The following RTN1 variants were observed in gnomAD, a reference collection of about 807,000 sequenced individuals.
RTN1 encodes the protein reticulon 1, also known as reticulon-1.
RTN1 carries 25 observed loss-of-function variants against 65.5 expected under a neutral mutation model. The ratio of observed to expected loss-of-function variants is 0.38; its 90% CI spans 0.28 to 0.53. The LOEUF is 0.53. Among genes scored for constraint, RTN1 ranks in the 20% least tolerant of loss-of-function variants. The probability of loss-of-function intolerance (pLI) is 0.79; values close to 1 mark genes in which losing one functional copy is unlikely to be tolerated. For synonymous variants in RTN1, 471 were observed against 447.6 expected (o/e 1.05, Z -0.66); for missense variants, 983 against 1,025.4 (o/e 0.96, Z 0.57).
intron 3 of RTN1, among the ~76,000 whole-genome samples, chr14:59,658,347 C>T (rs1456997574): frequency 8.4e-6 from 1 of 118,778 alleles, no homozygotes. Flanking sequence ...AATGTTCCTG[C>T]CTTCTGGCTC....
At chr14:59,670,409 G>T (rs192422098) in intron 3 of RTN1, among the ~76,000 whole-genome samples, 90 of 152,328 alleles carry the variant, frequency 5.9e-4, no homozygotes, top group Non-Finnish European at 1.0e-3. Context: ...TTCTCAGCAA[G>T]ACGCAACCTG....
At chr14:59,723,082 G>T (rs1040709147) in intron 3 of RTN1, among the ~76,000 whole-genome samples, 3 of 152,112 alleles carry the variant, frequency 2.0e-5, no homozygotes, top group Non-Finnish European at 4.4e-5. Flanking sequence ...ACAGGTGTGG[G>T]CCACCATGCC....
At position 59,790,747 on chromosome 14, in the gene RTN1, T is replaced by G. The variant is rs1260688149; in HGVS notation, c.242-44266A>C. 6.6e-6 allele frequency among the ~76,000 whole-genome samples: 1 copy of G among 152,166 alleles called. No individual in the cohort carries two copies. The highest frequency in any genetic ancestry group is 6.6e-5 in the Admixed American group (1 of 15,256). On this transcript the variant is annotated intron_variant, in intron 1 of 8. Coordinates refer to ENST00000267484, the MANE Select transcript of RTN1 (RefSeq NM_021136.3). The surrounding 1 kb of genome is among the most constrained non-coding windows in gnomAD (Gnocchi z 4.1). ...TTTCTTTTTCATTTGTTCTATTTCC[T>G]ACCCCAGATATACTGATTTTTCTTT...
intron 2 of RTN1, among the ~76,000 whole-genome samples, chr14:59,743,965 T>G (rs1318175253): frequency 6.6e-6 from 1 of 152,166 alleles, no homozygotes; most frequent in African/African-American, 2.4e-5. Context: ...AAAGAAAGTA[T>G]GTAGAAAGTG....
intron 1 of RTN1, among the ~76,000 whole-genome samples, chr14:59,852,147 T>C (rs1327435643): frequency 2.6e-5 from 4 of 152,164 alleles, no homozygotes; most frequent in African/African-American, 9.7e-5. Context: ...ATTGATAGTA[T>C]AGTAAGTAGT....
intron 1 of RTN1, among the ~76,000 whole-genome samples, chr14:59,788,308 A>G (rs75916234): frequency 3.5e-4 from 54 of 152,320 alleles, no homozygotes; most frequent in African/African-American, 1.2e-3. Flanking sequence ...TTTCTTTCAG[A>G]AAAAGAATGC....
intron 1 of RTN1, among the ~76,000 whole-genome samples, chr14:59,771,044 CAAA>C (rs113697863): frequency 8.7e-6 from 1 of 115,194 alleles, no homozygotes; most frequent in Non-Finnish European, 1.9e-5. Flanking sequence ...GACTCCGTCT[CAAA>C]AAAAAAAAAA....
chr14:59,784,707 T>C (rs1486889572), intron 1 of RTN1, among the ~76,000 whole-genome samples: 3 of 152,236 alleles, frequency 2.0e-5, no homozygotes, highest in African/African-American at 7.2e-5. Flanking sequence ...GTTTTCTCTC[T>C]TTATTTGAAT....
chr14:59,752,015 T>C (rs1352212167), intron 1 of RTN1, among the ~76,000 whole-genome samples: 2 of 152,132 alleles, frequency 1.3e-5, no homozygotes, highest in African/African-American at 4.8e-5. Flanking sequence ...CACTCTCCAA[T>C]TCAAATTCTA....
At chr14:59,792,189 T>C (rs1161078227) in intron 1 of RTN1, among the ~76,000 whole-genome samples, 9 of 152,124 alleles carry the variant, frequency 5.9e-5, no homozygotes. Context: ...AGCATGTCAT[T>C]GGGTTTTGGG....
In RTN1 at chr14:59,849,691, C is replaced by G. The variant is rs1214120550; in HGVS notation, c.241+20699G>C. Among the ~76,000 whole-genome samples the G allele has an allele frequency of 6.6e-6, 1 of 152,104 alleles. No individual in the cohort carries two copies. Among genetic ancestry groups the G allele is most frequent in the East Asian group, 1.9e-4 (1 of 5,190 alleles). ...GAGCCCCAGTGGCCTGCTGGAGTCACCCCACTTATAGAAGTTTCTCCTGGT... is the reference window on the plus strand; with the variant it reads ...GAGCCCCAGTGGCCTGCTGGAGTCAGCCCACTTATAGAAGTTTCTCCTGGT... On this transcript the variant is annotated intron_variant, in intron 1 of 8. Coordinates refer to ENST00000267484, the MANE Select transcript of RTN1 (RefSeq NM_021136.3). The surrounding 1 kb of genome is among the most constrained non-coding windows in gnomAD (Gnocchi z 4.5).
At chr14:59,802,236 G>A (rs144528210) in intron 1 of RTN1, among the ~76,000 whole-genome samples, 3 of 152,300 alleles carry the variant, frequency 2.0e-5, no homozygotes, top group African/African-American at 7.2e-5. Context: ...TCAGAGGAAG[G>A]GGCTGGAACA....
chr14:59,724,866 A>T (rs2139474159), intron 3 of RTN1, among the ~76,000 whole-genome samples: 1 of 152,326 alleles, frequency 6.6e-6, no homozygotes, highest in Non-Finnish European at 1.5e-5. Flanking sequence ...CAGGACCTCC[A>T]GTTCTTGGCT....
intron 3 of RTN1, among the ~76,000 whole-genome samples, chr14:59,717,498 T>C (rs1441990443): frequency 1.3e-5 from 2 of 152,108 alleles, no homozygotes; most frequent in Non-Finnish European, 2.9e-5. Flanking sequence ...TGAACAGAGA[T>C]CACCCAGAGG....
At chr14:59,785,331 A>G (rs1322899861) in intron 1 of RTN1, among the ~76,000 whole-genome samples, 1 of 152,136 alleles carries the variant, frequency 6.6e-6, no homozygotes, top group East Asian at 1.9e-4. Context: ...TTAATTTTCT[A>G]TTTTTTAAAA....
chr14:59,601,750 TA>T (rs1262400811), intron 8 of RTN1, among the ~76,000 whole-genome samples: 1 of 152,194 alleles, frequency 6.6e-6, no homozygotes, highest in East Asian at 1.9e-4. Flanking sequence ...AAGAGTTCAT[TA>T]AAATATACAT....
chr14:59,840,628 TATA>T (rs1412526325), intron 1 of RTN1, among the ~76,000 whole-genome samples: 1 of 152,222 alleles, frequency 6.6e-6, no homozygotes. Flanking sequence ...CTTTCACTTG[TATA>T]ATAATTCCAA....
intron 1 of RTN1, among the ~76,000 whole-genome samples, chr14:59,861,575 C>T (rs1449835405): frequency 6.6e-6 from 1 of 152,080 alleles, no homozygotes; most frequent in African/African-American, 2.4e-5. Context: ...TTCTGCTTTC[C>T]CCACATTAAA....
At chr14:59,738,197 G>T (rs979362503) in intron 2 of RTN1, among the ~76,000 whole-genome samples, 3 of 152,154 alleles carry the variant, frequency 2.0e-5, no homozygotes, top group African/African-American at 7.2e-5. Context: ...CACAGCAAAA[G>T]AAACTATCAT....
Sources: allele counts gnomAD v4.1 joint callset (sites outside exome capture counted in the v4.1 genomes callset), GRCh38; gene constraint gnomAD v4.1.1; non-coding constraint Gnocchi (gnomAD v3.1); transcripts MANE v1.5; gene names NCBI Gene and HGNC (gene_info 2026-07-23, HGNC 2026-07-21).